CNTN3: variants seen among roughly 807,000 people sequenced by gnomAD.
CNTN3 encodes the protein contactin 3.
CNTN3 carries 60 observed loss-of-function variants against 119.1 expected under a neutral mutation model. The ratio of observed to expected loss-of-function variants is 0.50; its 90% CI spans 0.41 to 0.62. The LOEUF (loss-of-function observed/expected upper bound fraction) is 0.62, where lower values mean the gene tolerates loss of function less well. Among genes scored for constraint, CNTN3 ranks in the 20% least tolerant of loss-of-function variants. The pLI, the probability that CNTN3 is intolerant of heterozygous loss-of-function variation, is 0.00. For missense variants in CNTN3, 1,101 were observed against 1,242.4 expected (o/e 0.89, Z 1.71); for synonymous variants, 450 against 438.7 (o/e 1.03, Z -0.32).
At chr3:74,509,351 T>A (rs1350523471) in intron 2 of CNTN3, among the ~76,000 whole-genome samples, 1 of 151,336 alleles carries the variant, frequency 6.6e-6, no homozygotes, top group Non-Finnish European at 1.5e-5. Context: ...TCTCGCTCTG[T>A]TGCCCAGGCT....
At chr3:74,372,646 A>T (rs1704370750) in intron 5 of CNTN3, among the ~76,000 whole-genome samples, 1 of 152,184 alleles carries the variant, frequency 6.6e-6, no homozygotes, top group African/African-American at 2.4e-5. Context: ...ATGAATAACA[A>T]GTTTAAATAT....
At chr3:74,483,790 G>A (rs562260363) in intron 4 of CNTN3, among the ~76,000 whole-genome samples, 1 of 152,160 alleles carries the variant, frequency 6.6e-6, no homozygotes, top group East Asian at 1.9e-4. Flanking sequence ...CCATGAAACA[G>A]TAAGACTAGC....
chr3:74,426,929 T>C (rs1701704319), intron 4 of CNTN3, among the ~76,000 whole-genome samples: 2 of 152,350 alleles, frequency 1.3e-5, no homozygotes, highest in East Asian at 3.9e-4. Flanking sequence ...GTCTAATTCC[T>C]TGTTATCTTC....
intron 1 of CNTN3, among the ~76,000 whole-genome samples, chr3:74,596,884 A>G (rs1704822239): frequency 6.6e-6 from 1 of 152,078 alleles, no homozygotes; most frequent in South Asian, 2.1e-4. Context: ...GAGATCCAAC[A>G]TCTTCAACAT....
At chr3:74,565,771 A>T (rs1419919499) in intron 1 of CNTN3, among the ~76,000 whole-genome samples, 1 of 152,130 alleles carries the variant, frequency 6.6e-6, no homozygotes, top group East Asian at 1.9e-4. Flanking sequence ...TGAAAGAAAA[A>T]TAGGAAGAAT....
intron 4 of CNTN3, among the ~76,000 whole-genome samples, chr3:74,450,610 C>T (rs1702132742): frequency 6.6e-6 from 1 of 150,996 alleles, no homozygotes; most frequent in Non-Finnish European, 1.5e-5. Flanking sequence ...GCGCTGCACC[C>T]ACTAACTCGT....
intron 1 of CNTN3, among the ~76,000 whole-genome samples, chr3:74,583,414 C>T (rs1704545846): frequency 6.6e-6 from 1 of 151,726 alleles, no homozygotes; most frequent in African/African-American, 2.4e-5. Flanking sequence ...CATGCAACAA[C>T]ACCTAGATAA....
intron 1 of CNTN3, among the ~76,000 whole-genome samples, chr3:74,590,481 CGCAGTGCTCAGAGCAACTCTGG>C (rs149746597): frequency 0.17 from 25,703 of 151,596 alleles, 4,940 homozygotes; most frequent in African/African-American, 0.47. Flanking sequence ...GAGACAGGGA[CGCAGTGCTCAGAGCAACTCTGG>C]GCAGTGCTCA....
chr3:74,570,358 A>C (rs1295287783), intron 1 of CNTN3, among the ~76,000 whole-genome samples: 1 of 152,154 alleles, frequency 6.6e-6, no homozygotes, highest in African/African-American at 2.4e-5. Flanking sequence ...GCAAATTTAT[A>C]GTATTAACCT....
intron 4 of CNTN3, among the ~76,000 whole-genome samples, chr3:74,457,194 A>C (rs576354186): frequency 2.0e-5 from 3 of 152,210 alleles, no homozygotes; most frequent in Non-Finnish European, 4.4e-5. Flanking sequence ...TTTGTTGGAA[A>C]AAAAGAAATC....
At chr3:74,490,079 T>C (rs1309301900) in intron 3 of CNTN3, among the ~76,000 whole-genome samples, 2 of 152,202 alleles carry the variant, frequency 1.3e-5, no homozygotes. Flanking sequence ...GTCTTCCACC[T>C]ATGGCTGGAT....
chr3:74,484,047 A>G (rs1702808554), intron 4 of CNTN3, among the ~76,000 whole-genome samples: 1 of 152,170 alleles, frequency 6.6e-6, no homozygotes, highest in Non-Finnish European at 1.5e-5. Context: ...TATGAAATTA[A>G]GAATCCATAG....
At chr3:74,584,423 G>T (rs1427295511) in intron 1 of CNTN3, among the ~76,000 whole-genome samples, 1 of 152,068 alleles carries the variant, frequency 6.6e-6, no homozygotes, top group Non-Finnish European at 1.5e-5. Flanking sequence ...ATGGGGATAG[G>T]TGCTTTACGA....
chr3:74,327,093 T>C (rs986377273), intron 13 of CNTN3, among the ~76,000 whole-genome samples: 1 of 149,694 alleles, frequency 6.7e-6, no homozygotes, highest in Non-Finnish European at 1.5e-5. Context: ...AAGTAGCTTA[T>C]GAAGGGTTAA....
At chr3:74,563,957 T>C (rs762238584) in intron 1 of CNTN3, among the ~76,000 whole-genome samples, 1 of 152,180 alleles carries the variant, frequency 6.6e-6, no homozygotes, top group Non-Finnish European at 1.5e-5. Context: ...TATTCATTCA[T>C]TCAACAAAGA....
rs545049419 is a variant in CNTN3 at position 74,525,630 on chromosome 3, T to C, written c.-80-4438A>G. ...AGCCAAAGAAAAAATAGATAACCTT[T>C]AGAATTTTCCGTGCTAATAGACATT... On this transcript the variant is annotated intron_variant, in intron 1 of 22. Coordinates refer to ENST00000263665, the MANE Select transcript of CNTN3 (RefSeq NM_020872.3). 3.4e-4 allele frequency among the ~76,000 whole-genome samples: 51 copies of C among 152,066 alleles called. No individual in the cohort carries two copies. In the South Asian group the frequency reaches 0.011, roughly 31 times the overall value.
chr3:74,300,487 T>C (rs1702434193), intron 16 of CNTN3, among the ~76,000 whole-genome samples: 1 of 152,166 alleles, frequency 6.6e-6, no homozygotes, highest in East Asian at 1.9e-4. Context: ...GTCTTTGGTA[T>C]GGTCACAGCT....
intron 3 of CNTN3, among the ~76,000 whole-genome samples, chr3:74,490,638 T>C (rs1326723807): frequency 6.6e-6 from 1 of 152,184 alleles, no homozygotes; most frequent in Non-Finnish European, 1.5e-5. Context: ...ATCATCCTTA[T>C]GTTTTGACTG....
intron 11 of CNTN3, among the ~76,000 whole-genome samples, chr3:74,344,449 G>A (rs572982379): frequency 1.1e-5 from 1 of 94,062 alleles, no homozygotes; most frequent in Admixed American, 1.2e-4. Context: ...TTTTTGAGAC[G>A]GAGTCTCACT....
Sources: allele counts gnomAD v4.1 joint callset (sites outside exome capture counted in the v4.1 genomes callset), GRCh38; gene constraint gnomAD v4.1.1; transcripts MANE v1.5; gene names NCBI Gene and HGNC (gene_info 2026-07-23, HGNC 2026-07-21).